The following HIVEP3 variants were observed in gnomAD, a reference collection of about 807,000 sequenced individuals.
HIVEP3 encodes the protein HIVEP zinc finger 3, also known as transcription factor HIVEP3.
HIVEP3 carries 49 observed loss-of-function variants against 152.8 expected under a neutral mutation model. The observed-to-expected ratio is 0.32, with a 90% CI of 0.26 to 0.41. HIVEP3 has a LOEUF of 0.41. Ranked by LOEUF, HIVEP3 falls within the 10% of genes least tolerant of loss-of-function variation. HIVEP3 has a pLI of 1.00. For missense variants in HIVEP3, 2,790 were observed against 3,103.3 expected, an observed-to-expected ratio of 0.90 and a Z score of 2.40; for synonymous variants, 1,269 against 1,289.0, an observed-to-expected ratio of 0.98 and a Z score of 0.33.
intron 4 of HIVEP3, among the ~76,000 whole-genome samples, chr1:41,577,915 G>A (rs1644350636): frequency 1.3e-5 from 2 of 152,192 alleles, no homozygotes; most frequent in African/African-American, 4.8e-5. Context: ...AATTCTGGAA[G>A]GAAACATGCC....
chr1:41,519,349 T>G (rs539077151), intron 6 of HIVEP3, among the ~76,000 whole-genome samples: 1 of 152,162 alleles, frequency 6.6e-6, no homozygotes, highest in African/African-American at 2.4e-5. Flanking sequence ...CAGGGAACAG[T>G]AGCAACAGCT....
At chr1:41,551,977 G>A (rs1643898433) in intron 5 of HIVEP3, among the ~76,000 whole-genome samples, 1 of 152,094 alleles carries the variant, frequency 6.6e-6, no homozygotes, top group African/African-American at 2.4e-5. Context: ...TGATGTTAGG[G>A]TGTCGATTTT....
At chr1:42,002,169 A>C (rs565283589) in intron 1 of HIVEP3, among the ~76,000 whole-genome samples, 87 of 152,184 alleles carry the variant, frequency 5.7e-4, no homozygotes, top group Non-Finnish European at 1.2e-3. Flanking sequence ...ACTGTCTGAC[A>C]ATGACTCGCT....
chr1:41,756,327 C>T (rs556596234), intron 1 of HIVEP3, among the ~76,000 whole-genome samples: 40 of 152,256 alleles, frequency 2.6e-4, no homozygotes, highest in South Asian at 8.3e-4. Flanking sequence ...GAAGATCTTT[C>T]AGGTGATGGA....
intron 1 of HIVEP3, among the ~76,000 whole-genome samples, chr1:41,764,020 G>C (rs1488626063): frequency 1.3e-5 from 2 of 152,136 alleles, no homozygotes; most frequent in African/African-American, 4.8e-5. Flanking sequence ...CAGGGCTGGA[G>C]AGCAGACAAG....
chr1:41,628,371 C>A (rs1005718685), intron 3 of HIVEP3, among the ~76,000 whole-genome samples: 1 of 152,170 alleles, frequency 6.6e-6, no homozygotes, highest in Non-Finnish European at 1.5e-5. Flanking sequence ...GAGGGTAGAC[C>A]TCTGGCTATC....
chr1:41,909,763 C>G (rs1403355194), intron 1 of HIVEP3, among the ~76,000 whole-genome samples: 2 of 152,004 alleles, frequency 1.3e-5, no homozygotes, highest in Non-Finnish European at 2.9e-5. Flanking sequence ...CAATATTTGA[C>G]AACCATGAGG....
At chr1:41,989,382 T>C (rs1013979641) in intron 1 of HIVEP3, among the ~76,000 whole-genome samples, 1 of 152,094 alleles carries the variant, frequency 6.6e-6, no homozygotes, top group African/African-American at 2.4e-5. Context: ...AATTAAAATC[T>C]ACAAAAAATA....
chr1:41,983,457 T>TACACATACAC (rs1409588657), intron 1 of HIVEP3, among the ~76,000 whole-genome samples: 1 of 152,006 alleles, frequency 6.6e-6, no homozygotes, highest in Non-Finnish European at 1.5e-5. Flanking sequence ...GACACACACA[T>TACACATACAC]ACACATACAC....
intron 2 of HIVEP3, among the ~76,000 whole-genome samples, chr1:41,667,748 G>A (rs1002971331): frequency 6.6e-6 from 1 of 152,138 alleles, no homozygotes; most frequent in African/African-American, 2.4e-5. Context: ...TAAATTGGGA[G>A]AATAACACAT....
At chr1:41,598,054 T>C (rs539442188) in intron 3 of HIVEP3, among the ~76,000 whole-genome samples, 3 of 152,366 alleles carry the variant, frequency 2.0e-5, no homozygotes, top group Non-Finnish European at 4.4e-5. Context: ...TGGGCATCTA[T>C]GAACTTAACT....
At position 41,813,873 on chromosome 1, in the gene HIVEP3, T is replaced by A. The variant is rs567032598; in HGVS notation, c.-801+104540A>T. ...ACCAGACCAGCACAGCCTGTTGTGG[T>A]GGAGACAGTAGCTTCTTCCCCAACC... On this transcript the variant is annotated intron_variant, in intron 1 of 8. Transcript: ENST00000372583. Among the ~76,000 whole-genome samples, 5 of 152,270 alleles carry A rather than the reference T, an allele frequency of 3.3e-5. No homozygotes were observed. The East Asian group carries it at 5.8e-4, about 18-fold the overall frequency.
At position 41,589,752 on chromosome 1, in the gene HIVEP3, G is replaced by A. The variant is rs114793833; in HGVS notation, c.-521-4434C>T. Among the ~76,000 whole-genome samples the A allele has an allele frequency of 5.3e-3, 802 of 152,342 alleles. 3 individuals are homozygous for A. Among genetic ancestry groups the A allele is most frequent in the African/African-American group, 9.0e-3 (374 of 41,592 alleles). On this transcript the variant is annotated intron_variant, in intron 3 of 8. Coordinates refer to ENST00000372583, the MANE Select transcript of HIVEP3 (RefSeq NM_024503.5). ...GCAGGGGCCTGATGTCCAAGGAGCT[G>A]TTAGGCTAAGCTGGCCCCAGGCTGG...
intron 1 of HIVEP3, among the ~76,000 whole-genome samples, chr1:41,717,733 C>A (rs2124161639): frequency 6.6e-6 from 1 of 152,304 alleles, no homozygotes; most frequent in Admixed American, 6.5e-5. Context: ...CTGAGCAGGA[C>A]CAGAGGCAAG....
chr1:41,660,730 G>A (rs999228548), intron 2 of HIVEP3, among the ~76,000 whole-genome samples: 1 of 152,148 alleles, frequency 6.6e-6, no homozygotes, highest in African/African-American at 2.4e-5. Context: ...AAAAATGCTG[G>A]GTTGGACAAA....
chr1:41,538,635 G>C (rs1463655880), intron 5 of HIVEP3, among the ~76,000 whole-genome samples: 1 of 152,166 alleles, frequency 6.6e-6, no homozygotes, highest in African/African-American at 2.4e-5. Flanking sequence ...GGATATGATA[G>C]GTGGAGGTCC....
At position 41,585,083 on chromosome 1, in the gene HIVEP3, G is replaced by T; in HGVS notation, c.-286C>A. 1 of 401,868 alleles carries T rather than the reference G, an allele frequency of 2.5e-6. No individual in the cohort carries two copies. The highest frequency in any genetic ancestry group is 4.4e-6 in the Non-Finnish European group (1 of 228,360). 24.9% of individuals were successfully genotyped at this position (401,868 alleles called of 1,614,324 possible). A position where few individuals can be genotyped will look rare whatever the true frequency, so the allele number is the denominator to read the frequency against. ...CTGCCTGAATGTCTGTCGGGAAAAC[G>T]TCATGAAGGATGTCAGTATTGCCAT... is the stretch of plus-strand genomic sequence containing the variant. On this transcript the variant is annotated 5_prime_UTR_variant, in exon 4 of 9. Transcript: ENST00000372583.
At chr1:41,729,273 T>C (rs1570412331) in intron 1 of HIVEP3, among the ~76,000 whole-genome samples, 1 of 152,212 alleles carries the variant, frequency 6.6e-6, no homozygotes, top group African/African-American at 2.4e-5. Flanking sequence ...CAACATTATG[T>C]TGTGAAGAAC....
intron 5 of HIVEP3, among the ~76,000 whole-genome samples, chr1:41,567,885 G>A (rs1214941042): frequency 6.6e-6 from 1 of 152,194 alleles, no homozygotes; most frequent in Non-Finnish European, 1.5e-5. Flanking sequence ...CTGATGGATG[G>A]GTTCTCACTG....
Sources: gnomAD v4.1 joint callset for allele counts (sites outside exome capture counted in the v4.1 genomes callset) on GRCh38, gnomAD v4.1.1 for gene constraint, MANE v1.5 for transcripts, NCBI Gene and HGNC (gene_info 2026-07-23, HGNC 2026-07-21) for gene names.